Variants in SLC17A5 observed in about 807,000 individuals in gnomAD.
The protein encoded by SLC17A5 is sialin.
In SLC17A5, 47 loss-of-function variants were observed where a neutral mutation model predicts 59.4. That is an observed-to-expected ratio of 0.79 (90% CI 0.63 to 1.01). The LOEUF (loss-of-function observed/expected upper bound fraction) is 1.01, where lower values mean the gene tolerates loss of function less well. Ranked by LOEUF, SLC17A5 falls within the 50% of genes least tolerant of loss-of-function variation. The probability of loss-of-function intolerance (pLI) is 0.00; values close to 1 mark genes in which losing one functional copy is unlikely to be tolerated. For synonymous variants in SLC17A5, 202 were observed against 210.7 expected (o/e 0.96, Z 0.36); for missense variants, 522 against 595.5 (o/e 0.88, Z 1.28).
At chr6:73,622,867 T>G (rs553258459) in intron 6 of SLC17A5, among the ~76,000 whole-genome samples, 1 of 152,194 alleles carries the variant, frequency 6.6e-6, no homozygotes. Flanking sequence ...TTTTACTCAT[T>G]TTTATTATAA....
chr6:73,596,044 G>A (rs990934084), intron 10 of SLC17A5, among the ~76,000 whole-genome samples: 3 of 151,764 alleles, frequency 2.0e-5, no homozygotes, highest in African/African-American at 7.3e-5. Context: ...GGGCTCAAGT[G>A]ATCCACTCGC....
intron 8 of SLC17A5, among the ~76,000 whole-genome samples, chr6:73,611,790 T>C (rs905129052): frequency 2.3e-5 from 3 of 130,176 alleles, no homozygotes; most frequent in Admixed American, 1.5e-4. Context: ...ATACTGCAAC[T>C]GAGGAACTTT....
chr6:73,596,208 C>T (rs541977730), intron 10 of SLC17A5, among the ~76,000 whole-genome samples: 1 of 152,202 alleles, frequency 6.6e-6, no homozygotes, highest in East Asian at 1.9e-4. Context: ...CTGAATCATG[C>T]CTAACACTAA....
In SLC17A5 at chr6:73,595,100, C is replaced by G. The variant is rs779656808; in HGVS notation, c.1465G>C (p.Asp489His). ...KGEVQNWALN[D>H]HHGHRH is the part of the protein sequence containing the mutation. The stretch of plus-strand genomic sequence containing the variant: ...CTTCAGTGTCTGTGTCCATGGTGAT[C>G]ATTGAGAGCCCAGTTTTGTACTTCA... Residue 489 changes from aspartate (D) to histidine (H), a missense_variant, in exon 11 of 11, where the codon GAT (aspartate) becomes CAT (histidine). Physicochemically the swap from Asp to His is moderately conservative, Grantham distance 81 (BLOSUM62 -1). Coordinates refer to ENST00000355773, the MANE Select transcript of SLC17A5 (RefSeq NM_012434.5). The G allele has an allele frequency of 6.2e-7, 1 of 1,614,114 alleles. No homozygotes were observed. Among genetic ancestry groups the G allele is most frequent in the South Asian group, 1.1e-5 (1 of 91,068 alleles).
chr6:73,638,609 C>T (rs761724633), intron 3 of SLC17A5, 110 bp from the exon 4 acceptor site: 72 of 828,288 alleles, frequency 8.7e-5, no homozygotes, highest in Admixed American at 2.4e-4. Context: ...AAGAATCAAA[C>T]GAATCAGGTT....
At position 73,635,559 on chromosome 6, in the gene SLC17A5, C is replaced by T. The variant is rs1768954874; in HGVS notation, c.701-59G>A. ...AGAATGTACCAAATAACAAACAAAA[C>T]AAAACAAAAACACAAAATTAGAAAG... On this transcript the variant is annotated intron_variant, in intron 5 of 10. Transcript: ENST00000355773. 1.2e-5 allele frequency: 10 copies of T among 868,112 alleles called. No individual in the cohort carries two copies. In the South Asian group the frequency reaches 1.6e-4, roughly 14 times the overall value. The allele number at this position is 868,112 out of a possible 1,614,324, so 53.8% of individuals were successfully genotyped here.
chr6:73,616,081 T>C (rs1444670212), intron 7 of SLC17A5, among the ~76,000 whole-genome samples: 8 of 152,050 alleles, frequency 5.3e-5, no homozygotes, highest in Admixed American at 2.0e-4. Context: ...AGACGGAGTT[T>C]CACCGTCTTG....
rs541764103 is a variant in SLC17A5 at position 73,653,498 on chromosome 6, T to TCCCCCG, written c.94+289_94+294dup. On this transcript the variant is annotated intron_variant, in intron 1 of 10. Transcript: ENST00000355773. ...AGCTCAGCGCCGGCTGCACCGCCGC[T>TCCCCCG]CCCCCGCCCCCGCCCCCGCCCCCGC... is the stretch of plus-strand genomic sequence containing the variant. 6,176 of 953,972 alleles carry TCCCCCG rather than the reference T, an allele frequency of 6.5e-3. 137 individuals carry two copies. The African/African-American group carries it at 0.08, about 12-fold the overall frequency. 59.1% of individuals were successfully genotyped at this position (953,972 alleles called of 1,614,324 possible). A position where few individuals can be genotyped will look rare whatever the true frequency, so the allele number is the denominator to read the frequency against.
rs1163170650 is a variant in SLC17A5 at position 73,632,434 on chromosome 6, C to CTT, written c.819+2946_819+2947dup. Among the ~76,000 whole-genome samples, 97 of 86,788 alleles carry CTT rather than the reference C, an allele frequency of 1.1e-3. 11 individuals are homozygous for CTT. The highest frequency in any genetic ancestry group is 4.5e-3 in the South Asian group (10 of 2,226). 56.9% of individuals were successfully genotyped at this position (86,788 alleles called of 152,430 possible). ...AAGACACATATCGATGTAGAGAAAG[C>CTT]TTTTTTTTTTTTTTTTTTTTTTTTT... On this transcript the variant is annotated intron_variant, in intron 6 of 10. Coordinates refer to ENST00000355773, the MANE Select transcript of SLC17A5 (RefSeq NM_012434.5).
chr6:73,638,331 G>A lies in SLC17A5; in HGVS notation c.613+81C>T, dbSNP rs560616887. 1.5e-4 allele frequency: 146 copies of A among 964,732 alleles called. 1 individual carries two copies. In the African/African-American group the frequency reaches 2.0e-3, roughly 13 times the overall value. The allele number at this position is 964,732 out of a possible 1,614,324, so 59.8% of individuals were successfully genotyped here. ...GGGGCATCCAATCCAACATTGCATCGTTCTGGTATGCAGGCCCTTTTTCCC... is the reference window on the plus strand; with the variant it reads ...GGGGCATCCAATCCAACATTGCATCATTCTGGTATGCAGGCCCTTTTTCCC... On this transcript the variant is annotated intron_variant, in intron 4 of 10. Coordinates refer to ENST00000355773, the MANE Select transcript of SLC17A5 (RefSeq NM_012434.5).
Position 73,595,215 on chromosome 6 carries a change from C to G in SLC17A5, c.1351-1G>C, listed in dbSNP as rs528538482. 6.2e-7 allele frequency: 1 copy of G among 1,613,852 alleles called. No homozygotes were observed. Among genetic ancestry groups the G allele is most frequent in the South Asian group, 1.1e-5 (1 of 91,056 alleles). ...CGGTTTGCCATTCTCCAACAGTGTT[C>G]TATAAAGGAAGACAAAAAATGCAAG... On this transcript the variant is annotated splice_acceptor_variant, in intron 10 of 10. Transcript: ENST00000355773. LOFTEE classifies it high-confidence loss of function.
chr6:73,605,431 C>T (rs1410495365), intron 9 of SLC17A5, among the ~76,000 whole-genome samples: 1 of 151,950 alleles, frequency 6.6e-6, no homozygotes, highest in East Asian at 1.9e-4. Flanking sequence ...TCAGTTGTTA[C>T]CACAACAAAA....
intron 10 of SLC17A5, among the ~76,000 whole-genome samples, chr6:73,598,493 T>C (rs1032894530): frequency 1.3e-5 from 2 of 151,862 alleles, no homozygotes. Context: ...TAGCCGGGTG[T>C]GGTGGCACGT....
chr6:73,633,405 C>T (rs9293932), intron 6 of SLC17A5, among the ~76,000 whole-genome samples: 24,738 of 151,476 alleles, frequency 0.16, 3,111 homozygotes, highest in African/African-American at 0.35. Context: ...GTACATTTTT[C>T]CTTCTTTTTA....
intron 5 of SLC17A5, among the ~76,000 whole-genome samples, chr6:73,636,144 T>TTTAAA (rs1167277756): frequency 3.3e-5 from 5 of 152,342 alleles, no homozygotes; most frequent in African/African-American, 1.2e-4. Flanking sequence ...AGGTGTCTGT[T>TTTAAA]TTTGTTAGTT....
chr6:73,642,851 C>T (rs958311052), intron 2 of SLC17A5, among the ~76,000 whole-genome samples: 3 of 152,128 alleles, frequency 2.0e-5, no homozygotes, highest in Admixed American at 1.3e-4. Context: ...CTTACTTTTC[C>T]TTATTTAGGG....
chr6:73,618,525 T>C (rs1274040811), intron 7 of SLC17A5: 2 of 525,820 alleles, frequency 3.8e-6, no homozygotes, highest in South Asian at 3.3e-5. Flanking sequence ...GGTGCTCTAC[T>C]GTCCTCTGCC....
In SLC17A5 at chr6:73,621,836, T is replaced by C; in HGVS notation, c.946A>G (p.Met316Val). The C allele has an allele frequency of 3.1e-6, 5 of 1,612,636 alleles. No homozygotes were observed. The highest frequency in any genetic ancestry group is 4.2e-6 in the Non-Finnish European group (5 of 1,178,662). ...YTLLTLLPTY[M>V]KEILRFNVQE... ...ACATTGAACCTTAGGATCTCCTTCA[T>C]ATAAGTAGGCAATAATGTCAATAAA... is the stretch of plus-strand genomic sequence containing the variant. The change falls in exon 7 of 11, where the codon ATG becomes GTG. Residue 316 changes from methionine to valine, a missense_variant. By Grantham distance (21) the Met-to-Val change is conservative. This residue lies in a region of SLC17A5 where 31 missense variants were observed against 63.2 expected (regional missense o/e 0.49). Transcript: ENST00000355773.
chr6:73,602,302 G>A (rs977025221), intron 9 of SLC17A5, among the ~76,000 whole-genome samples: 1 of 146,332 alleles, frequency 6.8e-6, no homozygotes, highest in Admixed American at 6.8e-5. Context: ...CAAACACTGC[G>A]GAACGCCGCA....
Sources: allele counts gnomAD v4.1 joint callset (sites outside exome capture counted in the v4.1 genomes callset), GRCh38; gene constraint gnomAD v4.1.1; regional missense constraint gnomAD v4.1.1; transcripts MANE v1.5; gene names NCBI Gene and HGNC (gene_info 2026-07-23, HGNC 2026-07-21).